The following ADAMTSL1 variants were observed in gnomAD, a reference collection of about 807,000 sequenced individuals.
ADAMTSL1 encodes ADAMTS like 1, also known as ADAMTS-like protein 1.
ADAMTSL1 carries 126 observed loss-of-function variants against 201.8 expected under a neutral mutation model. That is an observed-to-expected ratio of 0.62 (90% CI 0.54 to 0.72). The LOEUF (loss-of-function observed/expected upper bound fraction) is 0.72. ADAMTSL1 is among the 30% of genes least tolerant of loss of function. The pLI is 0.00. For synonymous variants in ADAMTSL1, 1,121 were observed against 903.4 expected, an observed-to-expected ratio of 1.24 and a Z score of -4.32; for missense variants, 2,679 against 2,277.8, an observed-to-expected ratio of 1.18 and a Z score of -3.59.
chr9:18,476,333 G>A (rs1278962076), intron 1 of ADAMTSL1, among the ~76,000 whole-genome samples: 1 of 152,136 alleles, frequency 6.6e-6, no homozygotes, highest in East Asian at 1.9e-4. Flanking sequence ...TGAACCCAAA[G>A]GTCAAATAAT....
chr9:18,866,566 C>T (rs1827552718), intron 23 of ADAMTSL1, among the ~76,000 whole-genome samples: 1 of 152,070 alleles, frequency 6.6e-6, no homozygotes, highest in Admixed American at 6.6e-5. Context: ...AAAGTGTTTC[C>T]AATTCAAGAT....
chr9:18,562,055 CCTGTCATTATGATG>C (rs1383516180), intron 3 of ADAMTSL1, among the ~76,000 whole-genome samples: 1 of 152,056 alleles, frequency 6.6e-6, no homozygotes, highest in Non-Finnish European at 1.5e-5. Context: ...TGAATCTGAT[CCTGTCATTATGATG>C]CCAGCTGGTT....
chr9:18,674,100 A>G (rs569421089), intron 9 of ADAMTSL1, among the ~76,000 whole-genome samples: 32 of 152,054 alleles, frequency 2.1e-4, no homozygotes, highest in Non-Finnish European at 2.5e-4. Flanking sequence ...AAGGCTGTTC[A>G]TTTCATTCTT....
chr9:18,227,704 A>G (rs1188106116), intron 2 of ADAMTSL1, among the ~76,000 whole-genome samples: 1 of 152,060 alleles, frequency 6.6e-6, no homozygotes, highest in African/African-American at 2.4e-5. Flanking sequence ...ACTTAGATTA[A>G]TCTCTTTGAA....
intron 2 of ADAMTSL1, among the ~76,000 whole-genome samples, chr9:18,300,100 C>A (rs1833642752): frequency 6.6e-6 from 1 of 152,150 alleles, no homozygotes; most frequent in South Asian, 2.1e-4. Flanking sequence ...ACTCAGCAAT[C>A]CCGTTACTGG....
intron 7 of ADAMTSL1, among the ~76,000 whole-genome samples, chr9:18,656,211 A>G (rs1485635828): frequency 6.6e-6 from 1 of 151,562 alleles, no homozygotes; most frequent in Non-Finnish European, 1.5e-5. Flanking sequence ...CAATATTCTT[A>G]TTTTCCCCCT....
At chr9:18,504,293 G>C (rs1823002901) in intron 1 of ADAMTSL1, among the ~76,000 whole-genome samples, 1 of 152,116 alleles carries the variant, frequency 6.6e-6, no homozygotes, top group Non-Finnish European at 1.5e-5. Context: ...TTGTCAAGAG[G>C]CAATCCGTGC....
At chr9:18,365,377 G>A (rs543526330) in intron 2 of ADAMTSL1, among the ~76,000 whole-genome samples, 2 of 152,212 alleles carry the variant, frequency 1.3e-5, no homozygotes, top group East Asian at 1.9e-4. Flanking sequence ...GCATTCATAT[G>A]TAGAAAAACT....
intron 2 of ADAMTSL1, among the ~76,000 whole-genome samples, chr9:18,405,920 CTCTT>C (rs1296230711): frequency 1.3e-5 from 2 of 152,146 alleles, no homozygotes; most frequent in African/African-American, 4.8e-5. Context: ...ACTATTTCTG[CTCTT>C]TCTAAGCAGA....
intron 1 of ADAMTSL1, among the ~76,000 whole-genome samples, chr9:17,929,639 G>T (rs1416592070): frequency 6.6e-6 from 1 of 152,068 alleles, no homozygotes; most frequent in African/African-American, 2.4e-5. Flanking sequence ...TTACTTAAGG[G>T]ACTTTGCACA....
intron 2 of ADAMTSL1, among the ~76,000 whole-genome samples, chr9:18,465,960 A>G (rs1820989161): frequency 6.6e-6 from 1 of 152,032 alleles, no homozygotes; most frequent in Admixed American, 6.6e-5. Flanking sequence ...CACATTGGCC[A>G]AGCTGGTCTC....
chr9:18,331,206 G>C (rs76019883), intron 2 of ADAMTSL1, among the ~76,000 whole-genome samples: 12,110 of 152,280 alleles, frequency 0.08, 663 homozygotes, highest in Non-Finnish European at 0.12. Flanking sequence ...ATGGAGAAGA[G>C]TGAGACAGGA....
intron 2 of ADAMTSL1, among the ~76,000 whole-genome samples, chr9:18,392,745 G>T (rs1024017993): frequency 2.0e-5 from 3 of 152,154 alleles, no homozygotes; most frequent in Admixed American, 6.5e-5. Context: ...AAACTTCAGA[G>T]GATACTCTAA....
Position 18,667,810 on chromosome 9 carries a change from T to C in ADAMTSL1, c.1085+5737T>C, listed in dbSNP as rs141243153. 1.4e-4 allele frequency among the ~76,000 whole-genome samples: 21 copies of C among 152,292 alleles called. No individual in the cohort carries two copies. In the East Asian group the frequency reaches 4.0e-3, roughly 29 times the overall value. On this transcript the variant is annotated intron_variant, in intron 9 of 28. Transcript: ENST00000380548. The stretch of plus-strand genomic sequence containing the variant: ...AGAATTCTGTATGGGTCTAGAAAGA[T>C]GGTTCTCTGTTTGTTGTTTTAACAA...
At chr9:18,323,604 G>T (rs1257241796) in intron 2 of ADAMTSL1, among the ~76,000 whole-genome samples, 1 of 152,064 alleles carries the variant, frequency 6.6e-6, no homozygotes, top group Non-Finnish European at 1.5e-5. Context: ...TGGCTTTATT[G>T]TCCTAAATCA....
chr9:18,470,294 G>T (rs1487163634), upstream of ADAMTSL1, among the ~76,000 whole-genome samples: 1 of 152,216 alleles, frequency 6.6e-6, no homozygotes, highest in Non-Finnish European at 1.5e-5. Context: ...TATAATGAAT[G>T]CTCTAATGGC....
chr9:18,010,293 A>G (rs1819998388), intron 1 of ADAMTSL1, among the ~76,000 whole-genome samples: 1 of 152,046 alleles, frequency 6.6e-6, no homozygotes, highest in African/African-American at 2.4e-5. Context: ...ACAATAACAT[A>G]TAATCAGAAA....
chr9:18,009,117 C>T (rs1042317071), intron 1 of ADAMTSL1, among the ~76,000 whole-genome samples: 1 of 151,992 alleles, frequency 6.6e-6, no homozygotes, highest in Non-Finnish European at 1.5e-5. Flanking sequence ...TCACCAGATC[C>T]CATTATTCAA....
At chr9:18,175,991 C>A (rs1209166022) in intron 2 of ADAMTSL1, among the ~76,000 whole-genome samples, 3 of 108,608 alleles carry the variant, frequency 2.8e-5, no homozygotes, top group Non-Finnish European at 3.5e-5. Flanking sequence ...AGGGAAGGGG[C>A]TAAGAAGAGG....
Sources: gnomAD v4.1 joint callset for allele counts (sites outside exome capture counted in the v4.1 genomes callset) on GRCh38, gnomAD v4.1.1 for gene constraint, MANE v1.5 for transcripts, NCBI Gene and HGNC (gene_info 2026-07-23, HGNC 2026-07-21) for gene names.